SNX18: variants seen among roughly 807,000 people sequenced by gnomAD.
The protein encoded by SNX18 is sorting nexin-18.
SNX18 carries 35 observed loss-of-function variants against 48.7 expected under a neutral mutation model. That is an observed-to-expected ratio of 0.72 (90% CI 0.55 to 0.95). The LOEUF (loss-of-function observed/expected upper bound fraction) is 0.95. Ranked by LOEUF, SNX18 falls within the 40% of genes least tolerant of loss-of-function variation. The pLI, the probability that SNX18 is intolerant of heterozygous loss-of-function variation, is 0.00. For synonymous variants in SNX18, 492 were observed against 384.7 expected (o/e 1.28, Z -3.26); for missense variants, 824 against 871.0 (o/e 0.95, Z 0.68).
the SNX18 span, among the ~76,000 whole-genome samples, chr5:54,559,124 A>G: frequency 2.0e-5 from 3 of 152,360 alleles, no homozygotes; most frequent in South Asian, 6.2e-4. Flanking sequence ...GGAGGAATCA[A>G]CATCATTAAA....
chr5:54,614,185 G>T, the SNX18 span, among the ~76,000 whole-genome samples: 2 of 152,214 alleles, frequency 1.3e-5, no homozygotes, highest in Non-Finnish European at 2.9e-5. Context: ...GGCCATCATG[G>T]TTCTCAAAGA....
the SNX18 span, among the ~76,000 whole-genome samples, chr5:54,633,706 A>G: frequency 6.6e-6 from 1 of 152,254 alleles, no homozygotes; most frequent in Non-Finnish European, 1.5e-5. Flanking sequence ...ACCTGTTACT[A>G]TGCATTTTGC....
At chr5:54,541,185 G>A (rs1349631682) in intron 1 of SNX18, among the ~76,000 whole-genome samples, 1 of 151,908 alleles carries the variant, frequency 6.6e-6, no homozygotes, top group Non-Finnish European at 1.5e-5. Context: ...CCGCCACCAC[G>A]CCCGGCTAAT....
At chr5:54,572,754 G>GTGTGTGTGTATATA in the SNX18 span, among the ~76,000 whole-genome samples, 17 of 31,884 alleles carry the variant, frequency 5.3e-4, no homozygotes, top group African/African-American at 1.9e-3. Flanking sequence ...GTGTGTGTGT[G>GTGTGTGTGTATATA]TATATATATA....
chr5:54,590,980 G>A, the SNX18 span, among the ~76,000 whole-genome samples: 1 of 152,096 alleles, frequency 6.6e-6, no homozygotes, highest in Non-Finnish European at 1.5e-5. Context: ...AGTAAAGTAA[G>A]TGAAGTTCAG....
downstream of SNX18, among the ~76,000 whole-genome samples, chr5:54,551,191 G>A (rs1247278136): frequency 6.6e-6 from 1 of 152,078 alleles, no homozygotes; most frequent in African/African-American, 2.4e-5. Flanking sequence ...GAACTATCTT[G>A]TTTGGACAGT....
downstream of SNX18, among the ~76,000 whole-genome samples, chr5:54,547,216 C>T (rs1762589893): frequency 6.6e-6 from 1 of 152,132 alleles, no homozygotes; most frequent in African/African-American, 2.4e-5. Flanking sequence ...TTTGGGGAGG[C>T]TGTGAGAAGG....
the SNX18 span, among the ~76,000 whole-genome samples, chr5:54,635,877 G>C: frequency 6.6e-6 from 1 of 152,160 alleles, no homozygotes; most frequent in African/African-American, 2.4e-5. Flanking sequence ...TATGTATTCA[G>C]TCCTGATGAC....
rs1345585224 is a variant in SNX18, at chr5:54,518,427, G to T, written c.475G>T (p.Asp159Tyr). 6.3e-7 allele frequency: 1 copy of T among 1,582,432 alleles called. No individual in the cohort carries two copies. Among genetic ancestry groups the T allele is most frequent in the South Asian group, 1.1e-5 (1 of 87,378 alleles). Residue 159 changes from aspartate (D) to tyrosine (Y), a missense_variant, in exon 1 of 2, where the codon GAC becomes TAC. By Grantham distance (160) the Asp-to-Tyr change is radical. Coordinates refer to ENST00000381410, the MANE Select transcript of SNX18 (RefSeq NM_001102575.2). ...GSDDDWDDEWDDSSTVADEPG... is the reference protein window; with the variant it reads ...GSDDDWDDEWYDSSTVADEPG... ...CGATGATGACTGGGACGACGAGTGG[G>T]ACGACAGCTCCACGGTGGCGGACGA...
At position 54,523,232 on chromosome 5, in the gene SNX18, T is replaced by C. The variant is rs1762065597; in HGVS notation, c.1621+3659T>C. Among the ~76,000 whole-genome samples the C allele has an allele frequency of 2.0e-5, 3 of 151,804 alleles. No individual in the cohort carries two copies. In the South Asian group the frequency reaches 6.2e-4, roughly 32 times the overall value. The stretch of plus-strand genomic sequence containing the variant: ...ATCATGCCTGTCTGCAGTATACCTT[T>C]ATAGTGTTGATGTTGAGGAGTTTGG... On this transcript the variant is annotated intron_variant, in intron 1 of 1. Transcript: ENST00000381410.
At chr5:54,565,054 C>T in the SNX18 span, among the ~76,000 whole-genome samples, 3 of 152,156 alleles carry the variant, frequency 2.0e-5, no homozygotes, top group African/African-American at 7.2e-5. Context: ...TGGCATTACT[C>T]TGACACTGAT....
chr5:54,623,688 AG>A, the SNX18 span, among the ~76,000 whole-genome samples: 1 of 152,202 alleles, frequency 6.6e-6, no homozygotes. Flanking sequence ...GATAATTTTG[AG>A]GGAGCTAGAC....
At chr5:54,645,941 T>G in the SNX18 span, 2 of 152,230 alleles carry the variant, frequency 1.3e-5, no homozygotes, top group Non-Finnish European at 2.9e-5. Context: ...TCTTTATATT[T>G]CTACTTGATA....
chr5:54,600,776 A>G, the SNX18 span, among the ~76,000 whole-genome samples: 3 of 152,150 alleles, frequency 2.0e-5, no homozygotes, highest in Non-Finnish European at 4.4e-5. Context: ...GAGCTGAACA[A>G]TGGGATCGCA....
At chr5:54,631,947 ACTTT>A in the SNX18 span, among the ~76,000 whole-genome samples, 1 of 152,178 alleles carries the variant, frequency 6.6e-6, no homozygotes, top group Non-Finnish European at 1.5e-5. Context: ...CTAAACATTG[ACTTT>A]CTTTAACAGG....
At chr5:54,533,830 T>C (rs192450192) in intron 1 of SNX18, among the ~76,000 whole-genome samples, 1 of 152,040 alleles carries the variant, frequency 6.6e-6, no homozygotes, top group East Asian at 1.9e-4. Flanking sequence ...CTCAAAACAA[T>C]ATGAAAAAGT....
At chr5:54,561,356 A>T in the SNX18 span, among the ~76,000 whole-genome samples, 3 of 147,950 alleles carry the variant, frequency 2.0e-5, no homozygotes, top group Admixed American at 1.4e-4. Flanking sequence ...TTATTTTTTT[A>T]AATTTTTATT....
the SNX18 span, among the ~76,000 whole-genome samples, chr5:54,601,797 C>T: frequency 3.3e-5 from 5 of 152,214 alleles, no homozygotes; most frequent in South Asian, 2.1e-4. Context: ...CTGGGGTTTA[C>T]GCTCCTTCTT....
chr5:54,519,994 G>C (rs776287588), intron 1 of SNX18: 20 of 625,852 alleles, frequency 3.2e-5, no homozygotes, highest in Non-Finnish European at 5.3e-5. Flanking sequence ...GGAGAAGAAC[G>C]GATGTCTGTA....
Sources: allele counts gnomAD v4.1 joint callset (sites outside exome capture counted in the v4.1 genomes callset), GRCh38; gene constraint gnomAD v4.1.1; transcripts MANE v1.5; gene names NCBI Gene and HGNC (gene_info 2026-07-23, HGNC 2026-07-21).